TIAM1: variants seen among roughly 807,000 people sequenced by gnomAD.
TIAM1 encodes rho guanine nucleotide exchange factor TIAM1.
Under a neutral mutation model 163.5 loss-of-function variants are expected in TIAM1, and 65 were observed. The ratio of observed to expected loss-of-function variants is 0.40; its 90% CI spans 0.33 to 0.49. The LOEUF is 0.49. Among genes scored for constraint, TIAM1 ranks in the 20% least tolerant of loss-of-function variants. The pLI, the probability that TIAM1 is intolerant of heterozygous loss-of-function variation, is 0.77. For synonymous variants in TIAM1, 833 were observed against 810.1 expected, an observed-to-expected ratio of 1.03 and a Z score of -0.48; for missense variants, 1,789 against 2,044.7, an observed-to-expected ratio of 0.87 and a Z score of 2.41.
chr21:31,405,140 G>A (rs1488131026), intron 2 of TIAM1, among the ~76,000 whole-genome samples: 2 of 152,102 alleles, frequency 1.3e-5, no homozygotes, highest in African/African-American at 4.8e-5. Context: ...CCAAGTACTC[G>A]GAAGGCTAAA....
Position 31,210,572 on chromosome 21 carries a change from AAGAAAGAAAGAAAGAAAGAAAGAGAG to A in TIAM1, c.2218-383_2218-358del, listed in dbSNP as rs1230794135. ...AAAGAAAGAAAGAAAGAAAGAAAGA[AAGAAAGAAAGAAAGAAAGAAAGAGAG>A]AAAGAAGGAAGGAAGGGAGAAAGAA... On this transcript the variant is annotated intron_variant, in intron 10 of 27. Coordinates refer to ENST00000541036, the MANE Select transcript of TIAM1 (RefSeq NM_001353694.2). 3.0e-4 allele frequency among the ~76,000 whole-genome samples: 36 copies of A among 121,774 alleles called. 1 individual carries two copies. The highest frequency in any genetic ancestry group is 1.4e-3 in the African/African-American group (35 of 25,222). The allele number at this position is 121,774 out of a possible 152,430, so 79.9% of individuals were successfully genotyped here.
At chr21:31,557,585 C>G (rs1227325688) in intron 1 of TIAM1, among the ~76,000 whole-genome samples, 1 of 152,190 alleles carries the variant, frequency 6.6e-6, no homozygotes, top group Non-Finnish European at 1.5e-5. Flanking sequence ...AGCGCACAGG[C>G]TCTAAACCTC....
At chr21:31,451,025 GT>G (rs1365308118) in intron 2 of TIAM1, among the ~76,000 whole-genome samples, 1 of 151,142 alleles carries the variant, frequency 6.6e-6, no homozygotes, top group African/African-American at 2.4e-5. Context: ...AATCCATCTA[GT>G]GGTCAATTAA....
intron 2 of TIAM1, among the ~76,000 whole-genome samples, chr21:31,336,751 C>G (rs2075853349): frequency 6.6e-6 from 1 of 152,038 alleles, no homozygotes; most frequent in Admixed American, 6.6e-5. Context: ...ATCACAGTGG[C>G]TGGGGCAGTC....
At chr21:31,199,676 G>T (rs560346523) in intron 12 of TIAM1, among the ~76,000 whole-genome samples, 1 of 151,836 alleles carries the variant, frequency 6.6e-6, no homozygotes, top group Non-Finnish European at 1.5e-5. Context: ...AACCATAGGC[G>T]TGTGCCACCA....
chr21:31,286,681 C>T (rs2073822588), intron 2 of TIAM1, among the ~76,000 whole-genome samples: 1 of 152,136 alleles, frequency 6.6e-6, no homozygotes, highest in Non-Finnish European at 1.5e-5. Flanking sequence ...CCATGGTACT[C>T]CACCCTAGGC....
At chr21:31,268,270 A>G (rs1381309209) in intron 3 of TIAM1, among the ~76,000 whole-genome samples, 1 of 152,192 alleles carries the variant, frequency 6.6e-6, no homozygotes, top group Non-Finnish European at 1.5e-5. Flanking sequence ...TCATGAAGCT[A>G]ATTTCTAGCC....
At chr21:31,363,031 C>G (rs1023455662) in intron 2 of TIAM1, among the ~76,000 whole-genome samples, 1 of 152,138 alleles carries the variant, frequency 6.6e-6, no homozygotes, top group Non-Finnish European at 1.5e-5. Context: ...AAGATGGGCA[C>G]AGGATCCAGC....
At chr21:31,403,293 G>T (rs1340843553) in intron 2 of TIAM1, among the ~76,000 whole-genome samples, 2 of 152,014 alleles carry the variant, frequency 1.3e-5, no homozygotes, top group African/African-American at 4.8e-5. Context: ...GACTACAGAC[G>T]CGTGCCACCA....
intron 1 of TIAM1, among the ~76,000 whole-genome samples, chr21:31,517,048 C>CAAAAAAAAAAAAAAAAAAAA (rs747446437): frequency 1.5e-5 from 1 of 65,394 alleles, no homozygotes; most frequent in African/African-American, 5.2e-5. Flanking sequence ...GACTCTGTCT[C>CAAAAAAAAAAAAAAAAAAAA]AAAAAAAAAA....
At chr21:31,121,866 C>T (rs1169002454) in intron 27 of TIAM1, among the ~76,000 whole-genome samples, 1 of 152,230 alleles carries the variant, frequency 6.6e-6, no homozygotes, top group Non-Finnish European at 1.5e-5. Context: ...GCTTCTGCTT[C>T]TCCCTCGAGA....
Position 31,165,995 on chromosome 21 carries a change from G to A in TIAM1, c.2888-930C>T, listed in dbSNP as rs149058066. Among the ~76,000 whole-genome samples the A allele has an allele frequency of 4.2e-3, 644 of 152,278 alleles. 5 individuals carry two copies. Among genetic ancestry groups the A allele is most frequent in the African/African-American group, 0.015 (624 of 41,566 alleles). On this transcript the variant is annotated intron_variant, in intron 15 of 27. Coordinates refer to ENST00000541036, the MANE Select transcript of TIAM1 (RefSeq NM_001353694.2). The stretch of plus-strand genomic sequence containing the variant: ...GTGGTTCTCTATAGTGGTCCTCTGC[G>A]TTGAGAAGAGAATATGAGGATCACT...
intron 2 of TIAM1, among the ~76,000 whole-genome samples, chr21:31,295,442 C>A (rs988369190): frequency 3.0e-5 from 4 of 132,348 alleles, no homozygotes; most frequent in African/African-American, 1.2e-4. Context: ...TGCATTCCAG[C>A]CTGGGTGACA....
At chr21:31,270,218 G>A (rs932038504) in intron 3 of TIAM1, among the ~76,000 whole-genome samples, 8 of 152,008 alleles carry the variant, frequency 5.3e-5, no homozygotes, top group South Asian at 2.1e-4. Context: ...TTCCACGCAC[G>A]ATAAAGCATC....
At chr21:31,370,314 G>C (rs1162528624) in intron 2 of TIAM1, among the ~76,000 whole-genome samples, 2 of 152,180 alleles carry the variant, frequency 1.3e-5, no homozygotes, top group Non-Finnish European at 1.5e-5. Context: ...TGATAATATT[G>C]AGATACACAG....
intron 1 of TIAM1, among the ~76,000 whole-genome samples, chr21:31,490,700 G>T (rs2046436122): frequency 1.3e-5 from 2 of 152,360 alleles, no homozygotes; most frequent in South Asian, 2.1e-4. Flanking sequence ...GTAGACTGGG[G>T]AGTTCCAGGA....
At chr21:31,201,968 A>G (rs552155044) in intron 12 of TIAM1, among the ~76,000 whole-genome samples, 1 of 152,352 alleles carries the variant, frequency 6.6e-6, no homozygotes, top group East Asian at 1.9e-4. Context: ...GTAAAATCCT[A>G]GAAATTAAGT....
At chr21:31,263,878 C>T (rs2072614051) in intron 4 of TIAM1, among the ~76,000 whole-genome samples, 1 of 152,186 alleles carries the variant, frequency 6.6e-6, no homozygotes, top group Non-Finnish European at 1.5e-5. Flanking sequence ...GCCCTTCAAT[C>T]CCTTTCAGGT....
intron 12 of TIAM1, among the ~76,000 whole-genome samples, chr21:31,197,404 C>G (rs1257536983): frequency 2.7e-5 from 4 of 146,686 alleles, no homozygotes; most frequent in Non-Finnish European, 5.9e-5. Flanking sequence ...GAGACGGAGT[C>G]TCGCTCTGTC....
Sources: gnomAD v4.1 joint callset for allele counts (sites outside exome capture counted in the v4.1 genomes callset) on GRCh38, gnomAD v4.1.1 for gene constraint, MANE v1.5 for transcripts, NCBI Gene and HGNC (gene_info 2026-07-23, HGNC 2026-07-21) for gene names.